CDK14: variants seen among roughly 807,000 people sequenced by gnomAD.
The protein encoded by CDK14 is cyclin-dependent kinase 14.
CDK14 carries 34 observed loss-of-function variants against 60.7 expected under a neutral mutation model. The ratio of observed to expected loss-of-function variants is 0.56; its 90% CI spans 0.43 to 0.75. The LOEUF is 0.75. Among genes scored for constraint, CDK14 ranks in the 30% least tolerant of loss-of-function variants. The pLI, the probability that CDK14 is intolerant of heterozygous loss-of-function variation, is 0.00. For missense variants in CDK14, 482 were observed against 564.1 expected (o/e 0.85, Z 1.47); for synonymous variants, 197 against 203.7 (o/e 0.97, Z 0.28).
intron 5 of CDK14, among the ~76,000 whole-genome samples, chr7:90,799,992 A>T (rs1788577722): frequency 6.6e-6 from 1 of 152,190 alleles, no homozygotes; most frequent in Non-Finnish European, 1.5e-5. Flanking sequence ...GAACAAATAG[A>T]TTCAACACAA....
chr7:91,179,517 A>AG (rs397788621), intron 14 of CDK14, among the ~76,000 whole-genome samples: 8 of 150,728 alleles, frequency 5.3e-5, no homozygotes. Context: ...AAAAAAAAAA[A>AG]TGCAGCCCGG....
chr7:91,156,603 C>T (rs1800991888), intron 14 of CDK14, among the ~76,000 whole-genome samples: 1 of 152,146 alleles, frequency 6.6e-6, no homozygotes, highest in Non-Finnish European at 1.5e-5. Context: ...CCAACCCATC[C>T]CCAAATCCAG....
At chr7:90,938,322 G>A (rs1793816146) in intron 8 of CDK14, among the ~76,000 whole-genome samples, 1 of 152,208 alleles carries the variant, frequency 6.6e-6, no homozygotes, top group Non-Finnish European at 1.5e-5. Context: ...GAATAAGAAT[G>A]CCAGCCCTTG....
chr7:91,086,683 G>GTA (rs146611151), intron 12 of CDK14, among the ~76,000 whole-genome samples: 3,412 of 150,144 alleles, frequency 0.023, 120 homozygotes, highest in African/African-American at 0.075. Flanking sequence ...GTGTGTGTGT[G>GTA]TATATATCTT....
chr7:90,869,699 T>C (rs1244261729), intron 6 of CDK14, among the ~76,000 whole-genome samples: 1 of 151,952 alleles, frequency 6.6e-6, no homozygotes. Context: ...TGAAGAGAAA[T>C]GGTTGGATTC....
chr7:91,084,569 T>A (rs1798576644), intron 12 of CDK14, among the ~76,000 whole-genome samples: 1 of 152,252 alleles, frequency 6.6e-6, no homozygotes, highest in Admixed American at 6.5e-5. Context: ...GGTTAAGCCC[T>A]GTCATTTTGT....
At chr7:90,706,872 T>A (rs1801907744) in intron 2 of CDK14, among the ~76,000 whole-genome samples, 1 of 152,146 alleles carries the variant, frequency 6.6e-6, no homozygotes, top group African/African-American at 2.4e-5. Context: ...CAGTGACTGA[T>A]CAGCCCAGGG....
At chr7:91,089,983 T>G (rs3779585) in intron 12 of CDK14, among the ~76,000 whole-genome samples, 10,101 of 152,258 alleles carry the variant, frequency 0.066, 570 homozygotes, top group African/African-American at 0.15. Flanking sequence ...CCTTCCTATC[T>G]TAGAATTCTG....
At chr7:90,852,425 C>G (rs1186584785) in intron 5 of CDK14, among the ~76,000 whole-genome samples, 1 of 152,112 alleles carries the variant, frequency 6.6e-6, no homozygotes, top group Non-Finnish European at 1.5e-5. Flanking sequence ...TCCTGTCTTG[C>G]TTTTATGTAT....
intron 9 of CDK14, among the ~76,000 whole-genome samples, chr7:90,957,947 A>G (rs1794481279): frequency 6.6e-6 from 1 of 152,234 alleles, no homozygotes; most frequent in Non-Finnish European, 1.5e-5. Context: ...TGGCTGTTTT[A>G]TAATAGGAGT....
intron 5 of CDK14, among the ~76,000 whole-genome samples, chr7:90,805,222 T>C (rs550303926): frequency 1.3e-5 from 2 of 152,100 alleles, no homozygotes; most frequent in Non-Finnish European, 2.9e-5. Flanking sequence ...ATAGCTACTA[T>C]AAGTTGCTTT....
intron 2 of CDK14, among the ~76,000 whole-genome samples, chr7:90,622,923 C>CTTT (rs1245736325): frequency 2.3e-5 from 3 of 130,308 alleles, no homozygotes; most frequent in African/African-American, 8.6e-5. Context: ...CTTTTTTTTT[C>CTTT]TTTTTTTTTT....
chr7:90,899,985 G>A (rs1792452510), intron 7 of CDK14, among the ~76,000 whole-genome samples: 1 of 152,070 alleles, frequency 6.6e-6, no homozygotes, highest in African/African-American at 2.4e-5. Flanking sequence ...CTTACATTGT[G>A]TAACTCAAAT....
rs370563496 is a variant in CDK14, at chr7:90,849,715, A to G, written c.545-13460A>G. Among the ~76,000 whole-genome samples the G allele has an allele frequency of 9.4e-4, 143 of 152,106 alleles. 1 individual carries two copies. The highest frequency in any genetic ancestry group is 3.2e-3 in the African/African-American group (134 of 41,396). ...TTTTTATAGAAAAGCCAGAGTGTTT[A>G]TTTATGTGAAAATTTCTGATCTTTA... On this transcript the variant is annotated intron_variant, in intron 5 of 14. Transcript: ENST00000380050.
At chr7:91,189,926 G>A (rs762248658) in intron 14 of CDK14, among the ~76,000 whole-genome samples, 2 of 152,118 alleles carry the variant, frequency 1.3e-5, no homozygotes, top group Middle Eastern at 3.2e-3. Flanking sequence ...GCTGTGAGTC[G>A]TTAGGTAAAT....
At chr7:90,779,214 T>C (rs1187135051) in intron 4 of CDK14, among the ~76,000 whole-genome samples, 2 of 151,988 alleles carry the variant, frequency 1.3e-5, no homozygotes, top group Admixed American at 6.6e-5. Context: ...GATTGCGCCA[T>C]TGTACTCCAG....
chr7:90,685,099 C>G (rs1203751120), intron 2 of CDK14, among the ~76,000 whole-genome samples: 1 of 150,852 alleles, frequency 6.6e-6, no homozygotes, highest in Admixed American at 6.6e-5. Flanking sequence ...CCTATAGTTT[C>G]ATCTTTTATA....
chr7:90,642,913 C>T (rs1462297989), intron 2 of CDK14, among the ~76,000 whole-genome samples: 2 of 152,194 alleles, frequency 1.3e-5, no homozygotes, highest in Non-Finnish European at 2.9e-5. Context: ...TGAACTCATA[C>T]TGAATACCCA....
intron 2 of CDK14, among the ~76,000 whole-genome samples, chr7:90,673,142 C>T (rs1398130180): frequency 1.3e-5 from 2 of 152,172 alleles, no homozygotes; most frequent in African/African-American, 4.8e-5. Flanking sequence ...TCCTCATACA[C>T]AGTTCTCACA....
Sources: gnomAD v4.1 joint callset for allele counts (sites outside exome capture counted in the v4.1 genomes callset) on GRCh38, gnomAD v4.1.1 for gene constraint, MANE v1.5 for transcripts, NCBI Gene and HGNC (gene_info 2026-07-23, HGNC 2026-07-21) for gene names.